Variants in TBC1D5 observed in about 807,000 individuals in gnomAD.
TBC1D5 encodes TBC1 domain family member 5.
In TBC1D5, 75 loss-of-function variants were observed where a neutral mutation model predicts 100.3. That is an observed-to-expected ratio of 0.75 (90% CI 0.62 to 0.91). TBC1D5 has a LOEUF of 0.91. Ranked by LOEUF, TBC1D5 falls within the 40% of genes least tolerant of loss-of-function variation. TBC1D5 has a pLI of 0.00. For synonymous variants in TBC1D5, 323 were observed against 325.6 expected, an observed-to-expected ratio of 0.99 and a Z score of 0.09; for missense variants, 910 against 942.4, an observed-to-expected ratio of 0.97 and a Z score of 0.45.
At chr3:17,649,255 T>A (rs2065304783) in intron 1 of TBC1D5, among the ~76,000 whole-genome samples, 1 of 152,070 alleles carries the variant, frequency 6.6e-6, no homozygotes. Flanking sequence ...CATGTTCTTA[T>A]AAGTGGGGCT....
intron 1 of TBC1D5, among the ~76,000 whole-genome samples, chr3:17,682,388 T>A (rs1017842202): frequency 8.6e-5 from 13 of 151,562 alleles, no homozygotes; most frequent in African/African-American, 1.7e-4. Flanking sequence ...AAAGTAATCA[T>A]CTTTTACTGT....
chr3:17,729,028 A>AAAAAAAAAAAAAG (rs2076347417), intron 1 of TBC1D5, among the ~76,000 whole-genome samples: 1 of 149,496 alleles, frequency 6.7e-6, no homozygotes, highest in African/African-American at 2.4e-5. Context: ...AAAAAAAAAA[A>AAAAAAAAAAAAAG]AAAAAAAAAA....
chr3:17,655,505 T>C (rs976332895), intron 1 of TBC1D5, among the ~76,000 whole-genome samples: 3 of 150,962 alleles, frequency 2.0e-5, no homozygotes, highest in Non-Finnish European at 2.9e-5. Flanking sequence ...CCCACCAATA[T>C]AAATTCTATA....
At chr3:17,524,975 A>G (rs1365630719) in intron 2 of TBC1D5, among the ~76,000 whole-genome samples, 1 of 152,184 alleles carries the variant, frequency 6.6e-6, no homozygotes, top group East Asian at 1.9e-4. Flanking sequence ...GCATACTGAA[A>G]TCAACAATGC....
intron 13 of TBC1D5, among the ~76,000 whole-genome samples, chr3:17,370,414 G>A (rs909759376): frequency 3.3e-5 from 5 of 152,116 alleles, no homozygotes; most frequent in African/African-American, 1.2e-4. Context: ...TTTAACTCCT[G>A]ACCTTGTTAC....
intron 3 of TBC1D5, among the ~76,000 whole-genome samples, chr3:17,486,543 A>G (rs540353006): frequency 4.6e-5 from 7 of 152,216 alleles, no homozygotes; most frequent in Non-Finnish European, 1.0e-4. Context: ...TGACACCAAT[A>G]ATGTCAGAGC....
chr3:17,266,350 C>T (rs2078848359), intron 15 of TBC1D5, among the ~76,000 whole-genome samples: 1 of 152,140 alleles, frequency 6.6e-6, no homozygotes, highest in African/African-American at 2.4e-5. Flanking sequence ...GGGATATTGC[C>T]TGAATATTAT....
In TBC1D5 at chr3:17,404,691, T is replaced by C. The variant is rs1344585648; in HGVS notation, c.441+3A>G. 1.3e-6 allele frequency: 2 copies of C among 1,596,422 alleles called. No individual in the cohort carries two copies. The highest frequency in any genetic ancestry group is 2.7e-5 in the African/African-American group (2 of 73,666). The stretch of plus-strand genomic sequence containing the variant: ...TTAAGACATGAACAAAGACGAACTT[T>C]ACCCCTTCATCCTGTGAAAGAGGAT... On this transcript the variant is annotated splice_donor_region_variant and intron_variant, in intron 7 of 21. Transcript: ENST00000253692.
intron 2 of TBC1D5, among the ~76,000 whole-genome samples, chr3:17,537,662 T>C (rs533974146): frequency 6.6e-6 from 1 of 152,346 alleles, no homozygotes; most frequent in South Asian, 2.1e-4. Context: ...TAATATAGAA[T>C]TTGTCTTTTT....
rs981728878 is a variant in TBC1D5, at chr3:17,454,616, T to C, written c.98-26097A>G. Among the ~76,000 whole-genome samples, 4 of 152,042 alleles carry C rather than the reference T, an allele frequency of 2.6e-5. No homozygotes were observed. The East Asian group carries it at 5.8e-4, about 22-fold the overall frequency. On this transcript the variant is annotated intron_variant, in intron 3 of 21. Transcript: ENST00000253692. Reference sequence around the variant, plus strand: ...CTGGGACTACAGGTGCCCGCCACCATGCCTGGTTAATTTTTTTGTATTTTT... The same window carrying C: ...CTGGGACTACAGGTGCCCGCCACCACGCCTGGTTAATTTTTTTGTATTTTT...
chr3:17,504,298 G>T (rs1326850217), intron 3 of TBC1D5, among the ~76,000 whole-genome samples: 1 of 26,600 alleles, frequency 3.8e-5, no homozygotes, highest in Non-Finnish European at 7.6e-5. Flanking sequence ...GGAGGGGGGA[G>T]GGGGGAGAGA....
intron 1 of TBC1D5, among the ~76,000 whole-genome samples, chr3:17,737,629 C>T (rs2077058904): frequency 6.6e-6 from 1 of 152,092 alleles, no homozygotes; most frequent in Non-Finnish European, 1.5e-5. Context: ...TTTCTTTAGA[C>T]ATACATACAC....
intron 14 of TBC1D5, among the ~76,000 whole-genome samples, chr3:17,305,490 C>A (rs2083308391): frequency 6.6e-6 from 1 of 152,186 alleles, no homozygotes; most frequent in Non-Finnish European, 1.5e-5. Flanking sequence ...CTATTCTTTG[C>A]AGGTGGCATC....
rs553662965 is a variant in TBC1D5, at chr3:17,292,734, A to G, written c.1139-733T>C. ...GACAATCTTATCTGCCACTGCTGTC[A>G]GAGTCAGGCCCATTAACAATGCTTG... On this transcript the variant is annotated intron_variant, in intron 14 of 21. Coordinates refer to ENST00000253692, the Ensembl canonical transcript of TBC1D5. Among the ~76,000 whole-genome samples the G allele has an allele frequency of 7.2e-5, 11 of 152,306 alleles. No individual in the cohort carries two copies. The South Asian group carries it at 2.3e-3, about 32-fold the overall frequency.
intron 3 of TBC1D5, among the ~76,000 whole-genome samples, chr3:17,477,237 C>T (rs1310409224): frequency 6.6e-6 from 1 of 151,848 alleles, no homozygotes; most frequent in Non-Finnish European, 1.5e-5. Context: ...CCAGGATAAA[C>T]AAAATTTGGT....
intron 15 of TBC1D5, among the ~76,000 whole-genome samples, chr3:17,282,977 G>A (rs1157576689): frequency 1.3e-5 from 2 of 152,216 alleles, no homozygotes; most frequent in African/African-American, 4.8e-5. Context: ...GGCGGTCACT[G>A]AGTGACTCTG....
chr3:17,552,721 T>A lies in TBC1D5; in HGVS notation c.-35-44116A>T, dbSNP rs563464560. On this transcript the variant is annotated intron_variant, in intron 2 of 21. Transcript: ENST00000253692. ...TTGATGAGATGGAGAGAGAATGGGG[T>A]CTATTTTAGACTGGGTATTCAGATA... Among the ~76,000 whole-genome samples, 3 of 151,870 alleles carry A rather than the reference T, an allele frequency of 2.0e-5. No homozygotes were observed. The East Asian group carries it at 5.8e-4, about 29-fold the overall frequency.
chr3:17,520,075 C>T (rs1244232888), intron 2 of TBC1D5, among the ~76,000 whole-genome samples: 2 of 152,184 alleles, frequency 1.3e-5, no homozygotes, highest in Non-Finnish European at 2.9e-5. Context: ...TCTCAAATCA[C>T]GTAACAAACT....
intron 18 of TBC1D5, among the ~76,000 whole-genome samples, chr3:17,212,619 G>A (rs2073115680): frequency 6.6e-6 from 1 of 151,998 alleles, no homozygotes; most frequent in Non-Finnish European, 1.5e-5. Context: ...TGCCCCCAAA[G>A]ACCCTCCAGG....
Sources: allele counts gnomAD v4.1 joint callset (sites outside exome capture counted in the v4.1 genomes callset), GRCh38; gene constraint gnomAD v4.1.1; transcripts MANE v1.5; gene names NCBI Gene and HGNC (gene_info 2026-07-23, HGNC 2026-07-21).